Variants in PRKG1 observed in about 807,000 individuals in gnomAD.
PRKG1 encodes the protein cGMP-dependent protein kinase 1.
A neutral mutation model predicts 88.1 loss-of-function variants in PRKG1; 35 were observed. The ratio of observed to expected loss-of-function variants is 0.40; its 90% confidence interval spans 0.30 to 0.53. The LOEUF is 0.53. Ranked by LOEUF, PRKG1 falls within the 20% of genes least tolerant of loss-of-function variation. PRKG1 has a pLI of 0.59. For missense variants in PRKG1, 540 were observed against 839.8 expected, an observed-to-expected ratio of 0.64 and a Z score of 4.41; for synonymous variants, 303 against 292.5, an observed-to-expected ratio of 1.04 and a Z score of -0.37.
intron 9 of PRKG1, among the ~76,000 whole-genome samples, chr10:52,240,205 C>T (rs891947278): frequency 5.9e-5 from 9 of 152,150 alleles, no homozygotes; most frequent in Non-Finnish European, 4.4e-5. Context: ...TGTTAGTGAT[C>T]AGTCGTATCA....
At chr10:51,099,376 G>A (rs1844621664) in intron 1 of PRKG1, among the ~76,000 whole-genome samples, 2 of 101,266 alleles carry the variant, frequency 2.0e-5, no homozygotes, top group African/African-American at 7.5e-5. Context: ...TTAGATACCA[G>A]CATTCAAGAC....
At chr10:52,078,424 A>T (rs1163860196) in intron 7 of PRKG1, among the ~76,000 whole-genome samples, 1 of 152,218 alleles carries the variant, frequency 6.6e-6, no homozygotes, top group South Asian at 2.1e-4. Context: ...GATTGCGGAA[A>T]ATAATAGGTT....
chr10:51,913,166 T>A (rs1281960536), intron 5 of PRKG1, among the ~76,000 whole-genome samples: 1 of 152,130 alleles, frequency 6.6e-6, no homozygotes. Flanking sequence ...TGACCTCAGG[T>A]GATCCGCCCG....
intron 1 of PRKG1, among the ~76,000 whole-genome samples, chr10:51,032,048 G>A (rs1005622266): frequency 2.0e-5 from 3 of 152,162 alleles, no homozygotes; most frequent in African/African-American, 7.2e-5. Context: ...CTTCACTGAA[G>A]TTGAGTGGGG....
intron 3 of PRKG1, among the ~76,000 whole-genome samples, chr10:51,538,186 G>A (rs1023147454): frequency 6.6e-6 from 1 of 151,998 alleles, no homozygotes; most frequent in African/African-American, 2.4e-5. Flanking sequence ...GTTTGTCCGT[G>A]TAGCTTAATC....
chr10:51,695,737 T>C (rs540006407), intron 3 of PRKG1: 1 of 152,166 alleles, frequency 6.6e-6, no homozygotes, highest in South Asian at 2.1e-4. Flanking sequence ...TGAACAAGAG[T>C]AAAACAGGTA....
intron 2 of PRKG1, among the ~76,000 whole-genome samples, chr10:51,388,274 G>A (rs189372599): frequency 1.3e-3 from 196 of 152,272 alleles, no homozygotes; most frequent in Non-Finnish European, 1.1e-3. Flanking sequence ...CATATGTGAA[G>A]ACATCTGATC....
At chr10:51,403,192 A>G (rs1303548391) in intron 2 of PRKG1, among the ~76,000 whole-genome samples, 1 of 152,180 alleles carries the variant, frequency 6.6e-6, no homozygotes, top group Non-Finnish European at 1.5e-5. Flanking sequence ...ATGCAGAGTG[A>G]TGGATGTCAG....
chr10:51,374,635 TAC>T (rs1456740812), intron 2 of PRKG1, among the ~76,000 whole-genome samples: 1 of 152,100 alleles, frequency 6.6e-6, no homozygotes, highest in Non-Finnish European at 1.5e-5. Context: ...CTCCAGAGGA[TAC>T]AGTGTTCAAG....
chr10:52,040,980 G>A (rs1314014227), intron 5 of PRKG1, among the ~76,000 whole-genome samples: 1 of 151,632 alleles, frequency 6.6e-6, no homozygotes, highest in Non-Finnish European at 1.5e-5. Flanking sequence ...GGGATTACAG[G>A]CGCCCGCCAC....
intron 2 of PRKG1, among the ~76,000 whole-genome samples, chr10:51,397,066 G>A (rs956504392): frequency 1.5e-4 from 23 of 151,566 alleles, no homozygotes; most frequent in Admixed American, 1.4e-3. Flanking sequence ...CCCATGAATC[G>A]GAGTTGCTGT....
chr10:51,011,408 A>C (rs182985169), intron 1 of PRKG1, among the ~76,000 whole-genome samples: 318 of 152,262 alleles, frequency 2.1e-3, no homozygotes, highest in Non-Finnish European at 3.0e-3. Flanking sequence ...TTCACCCGCA[A>C]CTGAAATCAC....
chr10:51,128,948 G>A (rs1169383485), intron 1 of PRKG1, among the ~76,000 whole-genome samples: 2 of 152,276 alleles, frequency 1.3e-5, no homozygotes, highest in East Asian at 1.9e-4. Context: ...TTAGTTACTT[G>A]TAATGATGGC....
chr10:51,462,692 C>T (rs1204758694), intron 2 of PRKG1, among the ~76,000 whole-genome samples: 1 of 152,072 alleles, frequency 6.6e-6, no homozygotes, highest in Non-Finnish European at 1.5e-5. Context: ...ATACATCTTT[C>T]AATTATTCAT....
chr10:51,351,860 G>A (rs184251611), intron 2 of PRKG1, among the ~76,000 whole-genome samples: 11 of 152,194 alleles, frequency 7.2e-5, no homozygotes, highest in South Asian at 2.1e-4. Flanking sequence ...TCCTTCTAGG[G>A]TTTTTATGGT....
At chr10:52,080,945 A>G (rs1161593247) in intron 7 of PRKG1, among the ~76,000 whole-genome samples, 1 of 152,078 alleles carries the variant, frequency 6.6e-6, no homozygotes, top group African/African-American at 2.4e-5. Context: ...CTGCAGGGCT[A>G]TTTACTCTAA....
At chr10:51,166,366 G>C (rs1386191159) in intron 2 of PRKG1, among the ~76,000 whole-genome samples, 4 of 152,058 alleles carry the variant, frequency 2.6e-5, no homozygotes, top group Admixed American at 2.6e-4. Flanking sequence ...TTTTCCCTGA[G>C]TTTATATCAT....
At chr10:52,022,016 T>C (rs1420372813) in intron 5 of PRKG1, among the ~76,000 whole-genome samples, 1 of 152,216 alleles carries the variant, frequency 6.6e-6, no homozygotes, top group Non-Finnish European at 1.5e-5. Context: ...GTTCAACTTA[T>C]AATTTTTCAA....
rs1302640289 is a variant in PRKG1, at chr10:52,055,408, TA to T, written c.840+852del. 3.3e-5 allele frequency among the ~76,000 whole-genome samples: 5 copies of T among 152,188 alleles called. No homozygotes were observed. The South Asian group carries it at 1.0e-3, about 32-fold the overall frequency. On this transcript the variant is annotated intron_variant, in intron 6 of 17. Coordinates refer to ENST00000373980, the MANE Select transcript of PRKG1 (RefSeq NM_006258.4). ...AGGTGATAAATTATAAAGGAAGGGG[TA>T]AAAATGGGGTAGACAAGGGTTATGA...
Sources: gnomAD v4.1 joint callset for allele counts (sites outside exome capture counted in the v4.1 genomes callset) on GRCh38, gnomAD v4.1.1 for gene constraint, MANE v1.5 for transcripts, NCBI Gene and HGNC (gene_info 2026-07-23, HGNC 2026-07-21) for gene names.